The following ATP13A3 variants were observed in gnomAD, a reference collection of about 807,000 sequenced individuals.
ATP13A3 encodes the protein polyamine-transporting ATPase 13A3.
A neutral mutation model predicts 158.1 loss-of-function variants in ATP13A3; 59 were observed. The observed-to-expected ratio is 0.37, with a 90% CI of 0.30 to 0.46. The LOEUF (loss-of-function observed/expected upper bound fraction) is 0.46. Ranked by LOEUF, ATP13A3 falls within the 20% of genes least tolerant of loss-of-function variation. The pLI is 1.00. For synonymous variants in ATP13A3, 491 were observed against 504.3 expected, an observed-to-expected ratio of 0.97 and a Z score of 0.35; for missense variants, 1,166 against 1,525.2, an observed-to-expected ratio of 0.76 and a Z score of 3.92.
intron 26 of ATP13A3, 27 bp from the exon 27 acceptor site, chr3:194,429,801 T>G: frequency 1.9e-6 from 3 of 1,590,902 alleles, no homozygotes; most frequent in Non-Finnish European, 2.6e-6. Context: ...AATGTCGGCA[T>G]ATGAATAGAA....
chr3:194,412,090 C>T (rs1051124765), intron 33 of ATP13A3, 109 bp downstream of exon 33: 16 of 855,890 alleles, frequency 1.9e-5, no homozygotes, highest in East Asian at 1.6e-4. Context: ...AACAAGAACA[C>T]GCTAGAGAAT....
At chr3:194,447,271 T>A (rs1718471608) in intron 13 of ATP13A3, among the ~76,000 whole-genome samples, 156 bp from the exon 14 acceptor site, 1 of 152,238 alleles carries the variant, frequency 6.6e-6, no homozygotes, top group African/African-American at 2.4e-5. Flanking sequence ...ATATATAATT[T>A]TTTTCTTCAG....
Position 194,479,277 on chromosome 3 carries a change from T to C in ATP13A3, c.-47+6517A>G, listed in dbSNP as rs1222950792. Among the ~76,000 whole-genome samples, 3 of 152,226 alleles carry C rather than the reference T, an allele frequency of 2.0e-5. No individual in the cohort carries two copies. The East Asian group carries it at 5.8e-4, about 29-fold the overall frequency. On this transcript the variant is annotated intron_variant, in intron 2 of 33. Coordinates refer to ENST00000645319, the MANE Select transcript of ATP13A3 (RefSeq NM_001367549.1). The stretch of plus-strand genomic sequence containing the variant: ...TTTCATATCAAAAAGACCCATTAAA[T>C]ATTTCAATTAAGCGTGTGCTAGGTT...
chr3:194,455,871 T>C, intron 8 of ATP13A3, 22 bp downstream of exon 8: 1 of 1,391,400 alleles, frequency 7.2e-7, no homozygotes, highest in Non-Finnish European at 1.0e-6. Context: ...ACTGTTAAGT[T>C]ATATACAATC....
chr3:194,461,243 A>G, intron 3 of ATP13A3, among the ~76,000 whole-genome samples: 1 of 152,130 alleles, frequency 6.6e-6, no homozygotes, highest in Middle Eastern at 3.2e-3. Flanking sequence ...TTTATAGAAA[A>G]GTTGCAAAAA....
At chr3:194,489,442 T>TA (rs5855585), upstream of ATP13A3, among the ~76,000 whole-genome samples, 5,967 of 148,150 alleles carry the variant, frequency 0.04, 193 homozygotes, top group African/African-American at 0.091. The surrounding 1 kb of genome is among the most constrained non-coding windows in gnomAD (Gnocchi z 4.1). Flanking sequence ...AAACTCCATC[T>TA]AAAAAAAAAA....
rs1714867838 is a variant in ATP13A3, at chr3:194,405,479, ATCT to A, written c.*437_*439del. 6.3e-6 allele frequency: 1 copy of A among 158,946 alleles called. No individual in the cohort carries two copies. Among genetic ancestry groups the A allele is most frequent in the Admixed American group, 6.1e-5 (1 of 16,432 alleles). The allele number at this position is 158,946 out of a possible 1,614,324, so 9.8% of individuals were successfully genotyped here. ...TTTCACTGGAGGCTAATTAACACTC[ATCT>A]TCTTTTTATCAATCACAAACTTACA... On this transcript the variant is annotated 3_prime_UTR_variant, in exon 34 of 34. Transcript: ENST00000645319.
intron 32 of ATP13A3, 65 bp downstream of exon 32, chr3:194,413,694 T>G: frequency 7.2e-7 from 1 of 1,384,704 alleles, no homozygotes; most frequent in Non-Finnish European, 1.0e-6. Context: ...CTTCTCCCAT[T>G]TACCATTAAA....
At chr3:194,441,046 C>G (rs1009464369) in intron 16 of ATP13A3, among the ~76,000 whole-genome samples, 12 of 152,180 alleles carry the variant, frequency 7.9e-5, no homozygotes, top group Non-Finnish European at 1.8e-4. Context: ...GTTGCTGACC[C>G]CTGGTTTACC....
chr3:194,492,788 T>C (rs895838165), intron 2 of ATP13A3, among the ~76,000 whole-genome samples: 6 of 152,244 alleles, frequency 3.9e-5, no homozygotes, highest in African/African-American at 1.2e-4. Flanking sequence ...AGATTACTTA[T>C]AATACGATGT....
chr3:194,454,775 G>A (rs568948455), intron 8 of ATP13A3, among the ~76,000 whole-genome samples: 112 of 151,112 alleles, frequency 7.4e-4, no homozygotes, highest in Non-Finnish European at 1.3e-3. Flanking sequence ...CTTGCAGTGA[G>A]CCGAGATCGC....
intron 2 of ATP13A3, among the ~76,000 whole-genome samples, chr3:194,468,653 G>A (rs1365725021): frequency 6.6e-6 from 1 of 152,144 alleles, no homozygotes; most frequent in African/African-American, 2.4e-5. Flanking sequence ...CTCAAGAGTT[G>A]TAACAATATT....
intron 16 of ATP13A3, among the ~76,000 whole-genome samples, chr3:194,439,317 C>T (rs140640205): frequency 1.3e-5 from 2 of 152,200 alleles, no homozygotes; most frequent in African/African-American, 4.8e-5. Flanking sequence ...CTTGTAGTCC[C>T]CAGAATTTTC....
chr3:194,458,294 T>G (rs1485431547), intron 6 of ATP13A3, among the ~76,000 whole-genome samples: 1 of 151,226 alleles, frequency 6.6e-6, no homozygotes, highest in Non-Finnish European at 1.5e-5. Flanking sequence ...TTCTTCCCAC[T>G]GAATTTGATG....
chr3:194,468,824 T>C (rs1484812825), intron 2 of ATP13A3, among the ~76,000 whole-genome samples: 1 of 152,210 alleles, frequency 6.6e-6, no homozygotes, highest in African/African-American at 2.4e-5. Context: ...TTAATTTAAT[T>C]TTTTCCTTCA....
intron 20 of ATP13A3, 150 bp from the exon 21 acceptor site, chr3:194,434,046 A>G: frequency 1.2e-6 from 1 of 819,162 alleles, no homozygotes; most frequent in Non-Finnish European, 1.8e-6. Flanking sequence ...TTATATGCTG[A>G]ATAAACCACG....
chr3:194,444,624 A>G (rs2108881792), intron 15 of ATP13A3, 101 bp downstream of exon 15: 1 of 951,862 alleles, frequency 1.1e-6, no homozygotes, highest in African/African-American at 1.7e-5. Context: ...TAATCCTGGT[A>G]TAGGTACACA....
intron 10 of ATP13A3, chr3:194,452,973 T>C (rs1718916893): frequency 6.6e-6 from 1 of 152,114 alleles, no homozygotes; most frequent in Non-Finnish European, 1.5e-5. Flanking sequence ...TAAATGAATT[T>C]GATACAAACT....
intron 29 of ATP13A3, among the ~76,000 whole-genome samples, 162 bp from the exon 30 acceptor site, chr3:194,425,691 G>A (rs1716717735): frequency 6.6e-6 from 1 of 152,056 alleles, no homozygotes. Flanking sequence ...TATAAAACAG[G>A]TACAAGAGTA....
Sources: gnomAD v4.1 joint callset for allele counts (sites outside exome capture counted in the v4.1 genomes callset) on GRCh38, gnomAD v4.1.1 for gene constraint, Gnocchi (gnomAD v3.1) non-coding constraint, MANE v1.5 for transcripts, NCBI Gene and HGNC (gene_info 2026-07-23, HGNC 2026-07-21) for gene names.